Variants in PCGF3 observed in about 807,000 individuals in gnomAD.
The protein encoded by PCGF3 is polycomb group ring finger 3.
Under a neutral mutation model 33.1 loss-of-function variants are expected in PCGF3, and 7 were observed. The ratio of observed to expected loss-of-function variants is 0.21; its 90% CI spans 0.12 to 0.40. The LOEUF is 0.40. PCGF3 is among the 10% of genes least tolerant of loss of function. The pLI is 1.00. For missense variants in PCGF3, 211 were observed against 313.3 expected (o/e 0.67, Z 2.46); for synonymous variants, 153 against 121.3 (o/e 1.26, Z -1.72).
chr4:760,001 C>G lies in PCGF3; in HGVS notation c.463-1278C>G, dbSNP rs6856848. ...TCCAGACTCCCGGATCTTCTTCCCG[C>G]TCACATTGTCCCTCTCCTGTGATGC... On this transcript the variant is annotated intron_variant, in intron 8 of 10. Transcript: ENST00000362003. Among the ~76,000 whole-genome samples, 815 of 150,744 alleles carry G rather than the reference C, an allele frequency of 5.4e-3. 21 individuals carry two copies. The highest frequency in any genetic ancestry group is 0.019 in the African/African-American group (778 of 40,058).
At chr4:730,156 C>G (rs1318808049) in intron 1 of PCGF3, among the ~76,000 whole-genome samples, 1 of 152,204 alleles carries the variant, frequency 6.6e-6, no homozygotes, top group Non-Finnish European at 1.5e-5. Context: ...TAGGCGCAGG[C>G]AGGTCTGTGA....
At chr4:742,060 C>T (rs1285616468) in intron 6 of PCGF3, among the ~76,000 whole-genome samples, 1 of 152,108 alleles carries the variant, frequency 6.6e-6, no homozygotes, top group Non-Finnish European at 1.5e-5. Flanking sequence ...CCTTGTGAGG[C>T]TCCAGCACTC....
chr4:709,627 G>A (rs762619142), intron 1 of PCGF3, among the ~76,000 whole-genome samples: 7 of 152,264 alleles, frequency 4.6e-5, no homozygotes, highest in African/African-American at 1.2e-4. Context: ...TTAGGCGTGC[G>A]GGCTTGCCTG....
In PCGF3 at chr4:713,508, GTGGGTCCTGTGTGGCCTCA is replaced by G. The variant is rs1193649915; in HGVS notation, c.-190+7557_-190+7575del. Among the ~76,000 whole-genome samples the G allele has an allele frequency of 5.9e-5, 8 of 135,632 alleles. No individual in the cohort carries two copies. The East Asian group carries it at 9.4e-4, about 16-fold the overall frequency. 89.0% of individuals were successfully genotyped at this position (135,632 alleles called of 152,430 possible). ...GTGGCCTGGTGGGGGCTGTGGCCTT[GTGGGTCCTGTGTGGCCTCA>G]TGGGTCCTGTGTGGCCTCGTCAGGG... On this transcript the variant is annotated intron_variant, in intron 1 of 10. Coordinates refer to ENST00000362003, the Ensembl canonical transcript of PCGF3.
At chr4:761,166 C>T (rs2152621261) in intron 8 of PCGF3, 113 bp from the exon 9 acceptor site, 1 of 765,744 alleles carries the variant, frequency 1.3e-6, no homozygotes, top group Non-Finnish European at 1.9e-6. Context: ...TGTCTGATCT[C>T]AAAAAGGTCA....
chr4:728,784 C>G (rs1408481460), intron 1 of PCGF3, among the ~76,000 whole-genome samples: 3 of 152,280 alleles, frequency 2.0e-5, no homozygotes, highest in African/African-American at 7.2e-5. Flanking sequence ...CACAGTTTAA[C>G]TAAAATTAAA....
At chr4:750,642 T>TGA (rs954880289) in intron 8 of PCGF3, among the ~76,000 whole-genome samples, 1 of 152,132 alleles carries the variant, frequency 6.6e-6, no homozygotes, top group Admixed American at 6.6e-5. Flanking sequence ...GGTGTTAAGT[T>TGA]GAATGAATGA....
chr4:750,210 G>A lies in PCGF3; in HGVS notation c.462+5522G>A, dbSNP rs534336620. On this transcript the variant is annotated intron_variant, in intron 8 of 10. Coordinates refer to ENST00000362003, the Ensembl canonical transcript of PCGF3. ...ACTGGCATTCATTTCTAAAGAAGCT[G>A]TAATTTCATCAGAGTTCCTTTTTAA... 4.6e-5 allele frequency among the ~76,000 whole-genome samples: 7 copies of A among 152,344 alleles called. No homozygotes were observed. The East Asian group carries it at 1.3e-3, about 29-fold the overall frequency.
chr4:726,347 A>G (rs1453625300), intron 1 of PCGF3, among the ~76,000 whole-genome samples: 1 of 152,128 alleles, frequency 6.6e-6, no homozygotes, highest in Admixed American at 6.5e-5. Context: ...CCTCCCTCCA[A>G]CGAGCAGCGC....
chr4:731,424 G>A, intron 3 of PCGF3: 1 of 364,956 alleles, frequency 2.7e-6, no homozygotes, highest in South Asian at 1.1e-4. Context: ...TCAGCCCAGT[G>A]AGTTGTGAGG....
chr4:758,172 A>C (rs1292044328), intron 8 of PCGF3, among the ~76,000 whole-genome samples: 1 of 116,128 alleles, frequency 8.6e-6, no homozygotes, highest in Non-Finnish European at 1.8e-5. Context: ...TCTCAAAAAA[A>C]AAAAAAAAAA....
intron 1 of PCGF3, among the ~76,000 whole-genome samples, chr4:708,545 G>A (rs997260656): frequency 1.3e-5 from 2 of 152,188 alleles, no homozygotes; most frequent in African/African-American, 4.8e-5. Context: ...ACCTGGGGTA[G>A]GTATGAGGCA....
intron 7 of PCGF3, among the ~76,000 whole-genome samples, chr4:744,325 A>T (rs1287307583): frequency 6.6e-6 from 1 of 152,218 alleles, no homozygotes; most frequent in Admixed American, 6.5e-5. Context: ...GCCAGTGCGG[A>T]GCGTGTCTGT....
chr4:731,231 A>T (rs1340749055), intron 3 of PCGF3, 121 bp downstream of exon 3: 7 of 398,482 alleles, frequency 1.8e-5, no homozygotes, highest in Non-Finnish European at 3.1e-5. Flanking sequence ...TGCAGTGTTC[A>T]CGGTTCACTG....
At chr4:714,935 G>T (rs543691375) in intron 1 of PCGF3, among the ~76,000 whole-genome samples, 1 of 152,352 alleles carries the variant, frequency 6.6e-6, no homozygotes, top group Non-Finnish European at 1.5e-5. Context: ...GACACTGAGG[G>T]TGAGAACTGG....
intron 1 of PCGF3, among the ~76,000 whole-genome samples, chr4:711,972 A>C (rs1742590556): frequency 6.6e-6 from 1 of 151,968 alleles, no homozygotes; most frequent in Non-Finnish European, 1.5e-5. Context: ...AAAAAGTAAA[A>C]AAAAAAAGAA....
At chr4:743,003 C>G (rs1004517945) in intron 6 of PCGF3, among the ~76,000 whole-genome samples, 2 of 152,196 alleles carry the variant, frequency 1.3e-5, no homozygotes, top group African/African-American at 4.8e-5. Context: ...TGCGCAGGAG[C>G]GTGGGGGGAA....
chr4:750,467 C>G (rs914202048), intron 8 of PCGF3, among the ~76,000 whole-genome samples: 3 of 152,160 alleles, frequency 2.0e-5, no homozygotes, highest in African/African-American at 7.2e-5. Context: ...AAGCGGACCC[C>G]GGGGGCCAGT....
chr4:743,755 T>G, intron 7 of PCGF3, 171 bp downstream of exon 7: 3 of 540,728 alleles, frequency 5.5e-6, no homozygotes, highest in African/African-American at 1.9e-5. Context: ...TCACTCCTGG[T>G]ACCAGTGGGA....
Sources: allele counts gnomAD v4.1 joint callset (sites outside exome capture counted in the v4.1 genomes callset), GRCh38; gene constraint gnomAD v4.1.1; transcripts MANE v1.5; gene names NCBI Gene and HGNC (gene_info 2026-07-23, HGNC 2026-07-21).